The following KIAA1958 variants were observed in gnomAD, a reference collection of about 807,000 sequenced individuals.
The protein encoded by KIAA1958 is KIAA1958.
Under a neutral mutation model 47.2 loss-of-function variants are expected in KIAA1958, and 14 were observed. The ratio of observed to expected loss-of-function variants is 0.30; its 90% CI spans 0.20 to 0.46. The LOEUF is 0.46. Ranked by LOEUF, KIAA1958 falls within the 20% of genes least tolerant of loss-of-function variation. The pLI is 1.00. For synonymous variants in KIAA1958, 354 were observed against 353.3 expected, an observed-to-expected ratio of 1.00 and a Z score of -0.02; for missense variants, 803 against 909.2, an observed-to-expected ratio of 0.88 and a Z score of 1.50.
intron 2 of KIAA1958, among the ~76,000 whole-genome samples, chr9:112,603,124 A>G (rs1836164003): frequency 6.6e-6 from 1 of 152,198 alleles, no homozygotes; most frequent in South Asian, 2.1e-4. Context: ...AAAGAGATGT[A>G]TGGAAGAAGT....
At chr9:112,603,695 AT>A (rs1836175455) in intron 2 of KIAA1958, among the ~76,000 whole-genome samples, 1 of 152,188 alleles carries the variant, frequency 6.6e-6, no homozygotes, top group Non-Finnish European at 1.5e-5. Flanking sequence ...TCATCTACCT[AT>A]GATGTAATGT....
rs1346695594 is a variant in KIAA1958, at chr9:112,618,503, G to A, written c.1172-27147G>A. 1 of 1,550,732 alleles carries A rather than the reference G, an allele frequency of 6.4e-7. No individual in the cohort carries two copies. The highest frequency in any genetic ancestry group is 2.0e-5 in the Admixed American group (1 of 50,998). The stretch of plus-strand genomic sequence containing the variant: ...TGCCAAAACCAAGAGAGGGGGGACA[G>A]ACTCCCGTGTGTATGCCACCCAGCA... On this transcript the variant is annotated intron_variant, in intron 2 of 3. Coordinates refer to ENST00000337530, the MANE Select transcript of KIAA1958 (RefSeq NM_133465.4). This position sits in a 1 kb window ranked among gnomAD's most constrained non-coding sequence, Gnocchi z 7.1.
chr9:112,641,479 T>C (rs1176809978), intron 2 of KIAA1958, among the ~76,000 whole-genome samples: 1 of 151,786 alleles, frequency 6.6e-6, no homozygotes. Context: ...TCTTAGACTT[T>C]GGAAATTTCA....
At chr9:112,632,784 A>T (rs1041864902) in intron 2 of KIAA1958, among the ~76,000 whole-genome samples, 1 of 151,670 alleles carries the variant, frequency 6.6e-6, no homozygotes, top group Non-Finnish European at 1.5e-5. Flanking sequence ...TCAGTGCAGG[A>T]TTTTCCAAAT....
chr9:112,638,511 AAAG>A (rs1388953896), intron 2 of KIAA1958, among the ~76,000 whole-genome samples: 2 of 152,282 alleles, frequency 1.3e-5, no homozygotes, highest in Non-Finnish European at 2.9e-5. Flanking sequence ...TCTAAAAAAA[AAAG>A]AAAAGAAAAA....
At chr9:112,648,863 G>A (rs1311183317) in intron 3 of KIAA1958, among the ~76,000 whole-genome samples, 1 of 152,142 alleles carries the variant, frequency 6.6e-6, no homozygotes, top group Non-Finnish European at 1.5e-5. Flanking sequence ...GTGCAATGAA[G>A]CAAGAAAATA....
At chr9:112,612,686 T>C (rs188676865) in intron 2 of KIAA1958, among the ~76,000 whole-genome samples, 1 of 152,344 alleles carries the variant, frequency 6.6e-6, no homozygotes, top group African/African-American at 2.4e-5. Context: ...AGCACTCTTA[T>C]GTCTTATCAT....
At position 112,544,371 on chromosome 9, in the gene KIAA1958, G is replaced by C. The variant is rs574095763; in HGVS notation, c.-24-29686G>C. Among the ~76,000 whole-genome samples the C allele has an allele frequency of 2.0e-5, 3 of 152,282 alleles. No homozygotes were observed. In the East Asian group the frequency reaches 5.8e-4, roughly 29 times the overall value. Reference sequence around the variant, plus strand: ...ACTCATGCCATGCTATTTTGTAATTGCTTAGTTGTTGGCATTTCTAGCTAG... The same window carrying C: ...ACTCATGCCATGCTATTTTGTAATTCCTTAGTTGTTGGCATTTCTAGCTAG... On this transcript the variant is annotated intron_variant, in intron 1 of 3. Transcript: ENST00000337530.
chr9:112,518,625 T>C (rs1834481057), intron 1 of KIAA1958, among the ~76,000 whole-genome samples: 2 of 152,218 alleles, frequency 1.3e-5, no homozygotes, highest in Non-Finnish European at 2.9e-5. Flanking sequence ...TGGAGTGATG[T>C]GTATGTTCGT....
chr9:112,513,096 C>T (rs1834349146), intron 1 of KIAA1958, among the ~76,000 whole-genome samples: 1 of 149,176 alleles, frequency 6.7e-6, no homozygotes, highest in African/African-American at 2.5e-5. Flanking sequence ...CCTCTGCCTC[C>T]TGGGTTTAAG....
In KIAA1958 at chr9:112,635,221, T is replaced by C. The variant is rs895050818; in HGVS notation, c.1172-10429T>C. On this transcript the variant is annotated intron_variant, in intron 2 of 3. Coordinates refer to ENST00000337530, the MANE Select transcript of KIAA1958 (RefSeq NM_133465.4). ...ATTTTGAGATTCTTTATTTTGTGTG[T>C]GTGTGTGTGTGTGTGTGTGTGTGTG... is the stretch of plus-strand genomic sequence containing the variant. 3.3e-3 allele frequency among the ~76,000 whole-genome samples: 202 copies of C among 61,002 alleles called. 1 individual carries two copies. Among genetic ancestry groups the C allele is most frequent in the African/African-American group, 0.012 (196 of 16,846 alleles). 40.0% of individuals were successfully genotyped at this position (61,002 alleles called of 152,430 possible).
rs181961404 is a variant in KIAA1958 at position 112,559,315 on chromosome 9, C to T, written c.-24-14742C>T. On this transcript the variant is annotated intron_variant, in intron 1 of 3. Transcript: ENST00000337530. ...ATCTAGTGAGACTATGAGAAGAAAA[C>T]ACACTGATAAACTTTGGTTTTAAAG... Among the ~76,000 whole-genome samples the T allele has an allele frequency of 2.6e-5, 4 of 152,272 alleles. No individual in the cohort carries two copies. In the East Asian group the frequency reaches 5.8e-4, roughly 22 times the overall value.
chr9:112,612,369 C>G (rs1003632401), intron 2 of KIAA1958, among the ~76,000 whole-genome samples: 1 of 152,282 alleles, frequency 6.6e-6, no homozygotes, highest in Admixed American at 6.5e-5. Flanking sequence ...GATCACATCA[C>G]TGCATGCCAG....
intron 1 of KIAA1958, among the ~76,000 whole-genome samples, chr9:112,545,697 G>A (rs1835016576): frequency 6.6e-6 from 1 of 152,102 alleles, no homozygotes; most frequent in African/African-American, 2.4e-5. Flanking sequence ...AGATGAATTG[G>A]AAAGGCAGAC....
chr9:112,609,123 G>A (rs190557592), intron 2 of KIAA1958, among the ~76,000 whole-genome samples: 222 of 152,300 alleles, frequency 1.5e-3, no homozygotes, highest in Admixed American at 2.8e-3. Flanking sequence ...AATGGAAACA[G>A]AGAGCTTGAC....
At chr9:112,626,942 T>G (rs1432298377) in intron 2 of KIAA1958, among the ~76,000 whole-genome samples, 1 of 152,206 alleles carries the variant, frequency 6.6e-6, no homozygotes, top group Non-Finnish European at 1.5e-5. Flanking sequence ...GTTTGTGGTG[T>G]TGATGTGGAA....
intron 1 of KIAA1958, among the ~76,000 whole-genome samples, chr9:112,557,438 A>G (rs1247419319): frequency 1.3e-5 from 2 of 152,240 alleles, no homozygotes; most frequent in Non-Finnish European, 2.9e-5. Flanking sequence ...TATTTGTGTA[A>G]TGATCTCTCA....
rs538831857 is a variant in KIAA1958, at chr9:112,559,663, T to C, written c.-24-14394T>C. On this transcript the variant is annotated intron_variant, in intron 1 of 3. Transcript: ENST00000337530. ...GTATTTTCAAGCATCGGGGACAGAT[T>C]CTTTGTTATGAGACACTGTTACTCT... Among the ~76,000 whole-genome samples, 33 of 152,352 alleles carry C rather than the reference T, an allele frequency of 2.2e-4. 1 individual carries two copies. The South Asian group carries it at 6.0e-3, about 28-fold the overall frequency.
intron 1 of KIAA1958, among the ~76,000 whole-genome samples, chr9:112,489,664 T>C (rs1366565332): frequency 6.6e-6 from 1 of 152,122 alleles, no homozygotes; most frequent in African/African-American, 2.4e-5. Flanking sequence ...ATTTTTTTCA[T>C]TTATTTTGAC....
Sources: allele counts gnomAD v4.1 joint callset (sites outside exome capture counted in the v4.1 genomes callset), GRCh38; gene constraint gnomAD v4.1.1; non-coding constraint Gnocchi (gnomAD v3.1); transcripts MANE v1.5; gene names NCBI Gene and HGNC (gene_info 2026-07-23, HGNC 2026-07-21).